SUCLG1: variants seen among roughly 807,000 people sequenced by gnomAD.
SUCLG1 encodes the protein succinate--CoA ligase [ADP/GDP-forming] subunit alpha, mitochondrial.
In SUCLG1, 26 loss-of-function variants were observed where a neutral mutation model predicts 37.3. The observed-to-expected ratio is 0.70, with a 90% confidence interval of 0.51 to 0.97. The LOEUF is 0.97. Ranked by LOEUF, SUCLG1 falls within the 50% of genes least tolerant of loss-of-function variation. The probability of loss-of-function intolerance (pLI) is 0.00; values close to 1 mark genes in which losing one functional copy is unlikely to be tolerated. For missense variants in SUCLG1, 433 were observed against 432.9 expected (o/e 1.00, Z 0.00); for synonymous variants, 163 against 155.6 (o/e 1.05, Z -0.36).
chr2:84,432,153 G>C (rs1031251164), intron 6 of SUCLG1, among the ~76,000 whole-genome samples: 2 of 152,202 alleles, frequency 1.3e-5, no homozygotes, highest in Admixed American at 6.5e-5. Context: ...GAGTGACAGT[G>C]AGTACCCTGA....
Position 84,425,542 on chromosome 2 carries a change from C to T in SUCLG1, c.887G>A (p.Arg296Lys). 6.2e-7 allele frequency: 1 copy of T among 1,614,242 alleles called. No individual in the cohort carries two copies. The highest frequency in any genetic ancestry group is 8.5e-7 in the Non-Finnish European group (1 of 1,180,050). The part of the protein sequence containing the change: ...IAGLTAPPGR[R>K]MGHAGAIIAG... ...AATAATTGCCCCGGCATGACCCATT[C>T]TTCTCCCAGGAGGAGCAGTTAAACC... The change falls in exon 8 of 9, where the codon AGA (arginine) becomes AAA (lysine). Residue 296 changes from arginine to lysine, a missense_variant. Arg to Lys is a conservative substitution (Grantham distance 26). Coordinates refer to ENST00000393868, the MANE Select transcript of SUCLG1 (RefSeq NM_003849.4).
intron 8 of SUCLG1, among the ~76,000 whole-genome samples, chr2:84,425,197 A>T (rs1251272456): frequency 6.6e-6 from 1 of 152,224 alleles, no homozygotes; most frequent in Admixed American, 6.5e-5. Flanking sequence ...TAAAAATCCC[A>T]ATGTTTAAAG....
intron 2 of SUCLG1, among the ~76,000 whole-genome samples, chr2:84,448,081 G>T (rs1273735901): frequency 3.4e-5 from 5 of 146,834 alleles, no homozygotes; most frequent in Non-Finnish European, 7.4e-5. Flanking sequence ...TTCATTTTTT[G>T]ATATTGGATT....
At position 84,449,679 on chromosome 2, in the gene SUCLG1, C is replaced by T; in HGVS notation, c.171G>A (p.Lys57=). The T allele has an allele frequency of 6.4e-7, 1 of 1,571,334 alleles. No individual in the cohort carries two copies. Among genetic ancestry groups the T allele is most frequent in the Non-Finnish European group, 8.6e-7 (1 of 1,158,580 alleles). The part of the protein sequence containing the change: ...RQHLYVDKNT[K]IICQGFTGKQ... Reference sequence around the variant, plus strand: ...TGCCAGTGAAACCCTGGCAAATAATCTTTGTATTTTTATCAACATAGAGAT... The same window carrying T: ...TGCCAGTGAAACCCTGGCAAATAATTTTTGTATTTTTATCAACATAGAGAT... The change falls in exon 2 of 9, where the codon AAG becomes AAA. Residue 57 remains lysine, a synonymous_variant. Transcript: ENST00000393868.
intron 1 of SUCLG1, 62 bp downstream of exon 1, chr2:84,459,111 G>T: frequency 6.7e-7 from 1 of 1,495,122 alleles, no homozygotes; most frequent in Non-Finnish European, 9.0e-7. Flanking sequence ...TGGGCCAGGA[G>T]GTTGGGTCCG....
intron 6 of SUCLG1, 82 bp from the exon 7 acceptor site, chr2:84,431,741 T>G: frequency 6.8e-7 from 1 of 1,460,322 alleles, no homozygotes; most frequent in Non-Finnish European, 9.5e-7. Context: ...TTTAACTAGT[T>G]TGTCATTTTT....
intron 3 of SUCLG1, among the ~76,000 whole-genome samples, chr2:84,441,682 T>C (rs1230882216): frequency 6.6e-6 from 1 of 152,190 alleles, no homozygotes; most frequent in Non-Finnish European, 1.5e-5. Flanking sequence ...TGAAAGCTTC[T>C]GTGACATCTC....
Position 84,453,827 on chromosome 2 carries a change from T to C in SUCLG1, c.98-4075A>G, listed in dbSNP as rs576217592. On this transcript the variant is annotated intron_variant, in intron 1 of 8. Transcript: ENST00000393868. The stretch of plus-strand genomic sequence containing the variant: ...TGCCACATCCTAGGCCACCTCCTTC[T>C]TTCCAGATTCTTAGAAATTGTCCAG... Among the ~76,000 whole-genome samples, 7 of 152,378 alleles carry C rather than the reference T, an allele frequency of 4.6e-5. No individual in the cohort carries two copies. The East Asian group carries it at 1.3e-3, about 29-fold the overall frequency.
intron 7 of SUCLG1, among the ~76,000 whole-genome samples, chr2:84,428,472 A>C (rs1381371595): frequency 6.6e-6 from 1 of 152,130 alleles, no homozygotes; most frequent in Non-Finnish European, 1.5e-5. Flanking sequence ...TTATTTACTC[A>C]TTCACTCATA....
intron 5 of SUCLG1, among the ~76,000 whole-genome samples, chr2:84,440,335 T>C (rs1413203771): frequency 6.6e-6 from 1 of 152,134 alleles, no homozygotes; most frequent in East Asian, 1.9e-4. Context: ...ATCGAGCCAT[T>C]GCACTCCAGC....
chr2:84,438,558 C>A (rs558590313), intron 5 of SUCLG1, among the ~76,000 whole-genome samples: 30 of 152,302 alleles, frequency 2.0e-4, no homozygotes, highest in South Asian at 1.7e-3. Flanking sequence ...CTTCCTTTCC[C>A]TTAACTCTCA....
rs1250026848 is a variant in SUCLG1, at chr2:84,433,435, C to T, written c.590G>A (p.Gly197Asp). 1 of 1,613,362 alleles carries T rather than the reference C, an allele frequency of 6.2e-7. No homozygotes were observed. Among genetic ancestry groups the T allele is most frequent in the Non-Finnish European group, 8.5e-7 (1 of 1,179,478 alleles). ...CAGGGTGCCAGATCTGGACACAATG[C>T]CTTAACGAAAGAGAATTCAAAAATA... is the stretch of plus-strand genomic sequence containing the variant. ...PGHIHKKGRI[G>D]IVSRSGTLTY... The change falls in exon 6 of 9, where the codon GGC becomes GAC. Residue 197 changes from glycine (G) to aspartate (D), a missense_variant and splice_region_variant. Transcript: ENST00000393868.
rs1201540324 is a variant in SUCLG1 at position 84,455,947 on chromosome 2, T to C, written c.97+3226A>G. 2.6e-5 allele frequency among the ~76,000 whole-genome samples: 4 copies of C among 152,210 alleles called. No homozygotes were observed. In the East Asian group the frequency reaches 5.8e-4, roughly 22 times the overall value. ...TTTAATATTCCCAATTACATTTCTATGGAGAAACAAATTTGATGTCAGAAA... is the reference window on the plus strand; with the variant it reads ...TTTAATATTCCCAATTACATTTCTACGGAGAAACAAATTTGATGTCAGAAA... On this transcript the variant is annotated intron_variant, in intron 1 of 8. Transcript: ENST00000393868.
intron 1 of SUCLG1, among the ~76,000 whole-genome samples, chr2:84,455,620 T>C (rs1003361371): frequency 6.6e-5 from 10 of 151,780 alleles, no homozygotes; most frequent in Admixed American, 6.6e-4. Context: ...CGGATCACAA[T>C]GTCAGGAGAT....
intron 8 of SUCLG1, among the ~76,000 whole-genome samples, chr2:84,424,523 T>C (rs1372551477): frequency 6.6e-6 from 1 of 151,960 alleles, no homozygotes; most frequent in Non-Finnish European, 1.5e-5. Context: ...CAAAGATCAA[T>C]AAAAAAAGGA....
intron 7 of SUCLG1, chr2:84,425,952 CTT>C: frequency 2.9e-6 from 1 of 341,668 alleles, no homozygotes; most frequent in Non-Finnish European, 5.6e-6. Context: ...GACTGGGTTG[CTT>C]TACTTCAACC....
At chr2:84,437,631 T>A (rs954208013) in intron 5 of SUCLG1, among the ~76,000 whole-genome samples, 1 of 152,150 alleles carries the variant, frequency 6.6e-6, no homozygotes, top group African/African-American at 2.4e-5. Flanking sequence ...AATTTAGCAG[T>A]TTCTTAAACT....
intron 5 of SUCLG1, among the ~76,000 whole-genome samples, chr2:84,440,117 G>T (rs1672745269): frequency 6.6e-6 from 1 of 152,220 alleles, no homozygotes; most frequent in Non-Finnish European, 1.5e-5. Flanking sequence ...GCTCACGCCT[G>T]TAATCCCAGC....
At chr2:84,439,010 G>A (rs1310115367) in intron 5 of SUCLG1, among the ~76,000 whole-genome samples, 1 of 152,034 alleles carries the variant, frequency 6.6e-6, no homozygotes, top group Admixed American at 6.5e-5. Context: ...GCCATGGAAG[G>A]TTTGCTCTTT....
Sources: gnomAD v4.1 joint callset for allele counts (sites outside exome capture counted in the v4.1 genomes callset) on GRCh38, gnomAD v4.1.1 for gene constraint, MANE v1.5 for transcripts, NCBI Gene and HGNC (gene_info 2026-07-23, HGNC 2026-07-21) for gene names.